Variants in FBXO44 observed in about 807,000 individuals in gnomAD.
The protein encoded by FBXO44 is F-box protein 44, also known as F-box only protein 44.
Under a neutral mutation model 33.5 loss-of-function variants are expected in FBXO44, and 25 were observed. The ratio of observed to expected loss-of-function variants is 0.75; its 90% CI spans 0.54 to 1.04. The LOEUF (loss-of-function observed/expected upper bound fraction) is 1.04, where lower values mean the gene tolerates loss of function less well. Ranked by LOEUF, FBXO44 falls within the 50% of genes least tolerant of loss-of-function variation. The pLI, the probability that FBXO44 is intolerant of heterozygous loss-of-function variation, is 0.00. For missense variants in FBXO44, 311 were observed against 344.0 expected (o/e 0.90, Z 0.76); for synonymous variants, 147 against 152.8 (o/e 0.96, Z 0.28).
At position 11,654,940 on chromosome 1, in the gene FBXO44, C is replaced by CG. The variant is rs1639664921; in HGVS notation, c.-41dup. On this transcript the variant is annotated 5_prime_UTR_variant, in exon 1 of 6. Transcript: ENST00000251547. ...GGCGGCCCAACGGATCGTGCCGCGG[C>CG]GGCCGAGCGCAGGTGACCGGCAGGA... 1.6e-5 allele frequency: 2 copies of CG among 125,650 alleles called. No individual in the cohort carries two copies. The highest frequency in any genetic ancestry group is 4.8e-4 in the South Asian group (2 of 4,148). 7.8% of individuals were successfully genotyped at this position (125,650 alleles called of 1,614,324 possible). A position where few individuals can be genotyped will look rare whatever the true frequency, so the allele number is the denominator to read the frequency against.
intron 2 of FBXO44, among the ~76,000 whole-genome samples, chr1:11,656,900 A>G (rs922210139): frequency 3.3e-5 from 5 of 152,202 alleles, no homozygotes; most frequent in Non-Finnish European, 7.3e-5. Context: ...TCTAGGCTCC[A>G]GGGTTGGGCC....
Position 11,658,250 on chromosome 1 carries a change from C to T in FBXO44, c.266-17C>T, listed in dbSNP as rs771051839. ...CTGAGGGGCTTCCCTTCAGTGTGAACTCTGCTTTTCCATCAGAGGGGTTCG... is the reference window on the plus strand; with the variant it reads ...CTGAGGGGCTTCCCTTCAGTGTGAATTCTGCTTTTCCATCAGAGGGGTTCG... On this transcript the variant is annotated splice_polypyrimidine_tract_variant and intron_variant, in intron 2 of 5. Transcript: ENST00000251547. 1 of 1,613,384 alleles carries T rather than the reference C, an allele frequency of 6.2e-7. No homozygotes were observed. The highest frequency in any genetic ancestry group is 8.5e-7 in the Non-Finnish European group (1 of 1,179,878).
intron 1 of FBXO44, 140 bp from the exon 2 acceptor site, chr1:11,655,666 C>T: frequency 1.3e-6 from 1 of 796,654 alleles, no homozygotes; most frequent in Non-Finnish European, 2.0e-6. Flanking sequence ...TGATGTGTCC[C>T]AAGCTCCTTG....
intron 2 of FBXO44, among the ~76,000 whole-genome samples, chr1:11,656,311 C>CTTTTTT (rs34347559): frequency 2.1e-5 from 2 of 93,866 alleles, no homozygotes; most frequent in Non-Finnish European, 4.0e-5. Context: ...TTACTATACT[C>CTTTTTT]TTTTTTTTTT....
chr1:11,661,037 C>T lies in FBXO44; in HGVS notation c.625-93C>T, dbSNP rs573195937. 3.0e-6 allele frequency: 4 copies of T among 1,340,384 alleles called. No individual in the cohort carries two copies. In the African/African-American group the frequency reaches 5.8e-5, roughly 20 times the overall value. 83.0% of individuals were successfully genotyped at this position (1,340,384 alleles called of 1,614,324 possible). On this transcript the variant is annotated intron_variant, in intron 5 of 5. Coordinates refer to ENST00000251547, the MANE Select transcript of FBXO44 (RefSeq NM_033182.7). The surrounding 1 kb of genome is among the most constrained non-coding windows in gnomAD (Gnocchi z 4.4). ...GGCTCAAACAACCCTCCCACCTCAG[C>T]CTCCCAAAGTACTGGGATTCCCGGT...
In FBXO44 at chr1:11,658,607, C is replaced by G. The variant is rs368147142; in HGVS notation, c.467C>G (p.Pro156Arg). The change falls in exon 4 of 6, where the codon CCG (proline) becomes CGG (arginine). Residue 156 changes from proline (P) to arginine (R), a missense_variant. Coordinates refer to ENST00000251547, the MANE Select transcript of FBXO44 (RefSeq NM_033182.7). ...YWEELMDTTR[P>R]DIEVKDWFAA... ...GAGGAGCTGATGGATACCACACGGC[C>G]GGACATCGAGGTCAAGGACTGGTGA... The G allele has an allele frequency of 3.0e-5, 48 of 1,613,376 alleles. No individual in the cohort carries two copies. Among genetic ancestry groups the G allele is most frequent in the Non-Finnish European group, 3.6e-5 (43 of 1,179,956 alleles).
At position 11,661,079 on chromosome 1, in the gene FBXO44, A is replaced by G; in HGVS notation, c.625-51A>G. The G allele has an allele frequency of 6.4e-7, 1 of 1,558,156 alleles. No homozygotes were observed. Among genetic ancestry groups the G allele is most frequent in the East Asian group, 2.3e-5 (1 of 44,070 alleles). ...ATTCCCGGTGTGAGCCGCCACACCCAGCCTGAGTCAGCTCCCTTGACCTTT... is the reference window on the plus strand; with the variant it reads ...ATTCCCGGTGTGAGCCGCCACACCCGGCCTGAGTCAGCTCCCTTGACCTTT... On this transcript the variant is annotated intron_variant, in intron 5 of 5. Coordinates refer to ENST00000251547, the MANE Select transcript of FBXO44 (RefSeq NM_033182.7). This position sits in a 1 kb window ranked among gnomAD's most constrained non-coding sequence, Gnocchi z 4.4.
rs1639946744 is a variant in FBXO44, at chr1:11,658,289, G to A, written c.288G>A (p.Leu96=). ...CAGAGGGGTTCGAGTTCTGGAGCCT[G>A]GATGTGAATGGAGGCGATGAGTGGA... ...CAEEGFEFWS[L]DVNGGDEWKV... is the part of the protein sequence containing the mutation. Residue 96 remains leucine, a synonymous_variant, in exon 3 of 6, where the codon CTG becomes CTA. Coordinates refer to ENST00000251547, the MANE Select transcript of FBXO44 (RefSeq NM_033182.7). 1.2e-6 allele frequency: 2 copies of A among 1,613,842 alleles called. No homozygotes were observed. The highest frequency in any genetic ancestry group is 4.5e-5 in the East Asian group (2 of 44,882).
At position 11,661,200 on chromosome 1, in the gene FBXO44, C is replaced by A; in HGVS notation, c.695C>A (p.Thr232Asn). ...YIWFQHGGVD[T>N]HYWAGWYGPR... Reference sequence around the variant, plus strand: ...TGGTTTCAGCACGGCGGCGTGGACACTCATTACTGGGCCGGCTGGTACGGC... The same window carrying A: ...TGGTTTCAGCACGGCGGCGTGGACAATCATTACTGGGCCGGCTGGTACGGC... The change falls in exon 6 of 6, where the codon ACT becomes AAT. Residue 232 changes from threonine to asparagine, a missense_variant. By Grantham distance (65) the Thr-to-Asn change is moderately conservative. Transcript: ENST00000251547. This position sits in a 1 kb window ranked among gnomAD's most constrained non-coding sequence, Gnocchi z 4.4. The A allele has an allele frequency of 1.2e-6, 2 of 1,614,198 alleles. No individual in the cohort carries two copies.
intron 5 of FBXO44, 148 bp downstream of exon 5, chr1:11,659,019 G>T (rs980535512): frequency 1.1e-4 from 124 of 1,086,132 alleles, no homozygotes; most frequent in Non-Finnish European, 1.6e-4. Flanking sequence ...TGTAAAATGG[G>T]TATATAGTGT....
chr1:11,662,599 C>T lies in FBXO44; in HGVS notation c.*1326C>T, dbSNP rs563187746. The T allele has an allele frequency of 1.3e-5, 2 of 152,360 alleles. No homozygotes were observed. The highest frequency in any genetic ancestry group is 1.3e-4 in the Admixed American group (2 of 15,282). 9.4% of individuals were successfully genotyped at this position (152,360 alleles called of 1,614,324 possible). The stretch of plus-strand genomic sequence containing the variant: ...ATCAGCAGTGCCACCCAGGCTCTGC[C>T]TCCTGGTGTTACTCTTTGCCAACAG... On this transcript the variant is annotated 3_prime_UTR_variant, in exon 6 of 6. Coordinates refer to ENST00000251547, the MANE Select transcript of FBXO44 (RefSeq NM_033182.7).
chr1:11,655,999 G>A lies in FBXO44; in HGVS notation c.164G>A (p.Gly55Asp). 1 of 1,614,168 alleles carries A rather than the reference G, an allele frequency of 6.2e-7. No homozygotes were observed. The highest frequency in any genetic ancestry group is 8.5e-7 in the Non-Finnish European group (1 of 1,180,042). Residue 55 changes from glycine (G) to aspartate (D), a missense_variant, in exon 2 of 6, where the codon GGC becomes GAC. Gly to Asp is a moderately conservative substitution (Grantham distance 94). Transcript: ENST00000251547. ...TGGAAACGCAAGTGCCTGCGAGAGG[G>A]CTTCATCACTGAGGACTGGGACCAG... is the stretch of plus-strand genomic sequence containing the variant. ...TLWKRKCLREGFITEDWDQPV... is the reference protein window; with the variant it reads ...TLWKRKCLREDFITEDWDQPV...
intron 4 of FBXO44, 47 bp downstream of exon 4, chr1:11,658,675 G>C (rs376877549): frequency 6.3e-7 from 1 of 1,594,516 alleles, no homozygotes; most frequent in Non-Finnish European, 8.5e-7. Flanking sequence ...CCAATCAGGC[G>C]CCCCACCCCC....
chr1:11,656,311 C>CTTTTT (rs34347559), intron 2 of FBXO44, among the ~76,000 whole-genome samples: 2 of 93,866 alleles, frequency 2.1e-5, no homozygotes, highest in Non-Finnish European at 4.0e-5. Flanking sequence ...TTACTATACT[C>CTTTTT]TTTTTTTTTT....
Position 11,658,517 on chromosome 1 carries a change from C to T in FBXO44, c.393-16C>T. 1 of 1,610,676 alleles carries T rather than the reference C, an allele frequency of 6.2e-7. No homozygotes were observed. The highest frequency in any genetic ancestry group is 8.5e-7 in the Non-Finnish European group (1 of 1,179,076). ...GTGGTGAGCCCAGCCCCTCCCACCCCTCTGCCTGCCCCCAGCACCTGCCTC... is the reference window on the plus strand; with the variant it reads ...GTGGTGAGCCCAGCCCCTCCCACCCTTCTGCCTGCCCCCAGCACCTGCCTC... On this transcript the variant is annotated splice_polypyrimidine_tract_variant and intron_variant, in intron 3 of 5. Transcript: ENST00000251547.
intron 2 of FBXO44, among the ~76,000 whole-genome samples, chr1:11,657,763 A>AT (rs1639903433): frequency 6.6e-6 from 1 of 151,744 alleles, no homozygotes; most frequent in South Asian, 2.1e-4. Context: ...AAAAAAAAAG[A>AT]TTTGTGTTTT....
intron 5 of FBXO44, among the ~76,000 whole-genome samples, chr1:11,660,523 G>A (rs935327678): frequency 2.0e-5 from 3 of 152,162 alleles, no homozygotes; most frequent in African/African-American, 7.2e-5. Context: ...GACATCCTTT[G>A]GCAGCTTGCA....
At position 11,661,086 on chromosome 1, in the gene FBXO44, G is replaced by A. The variant is rs374506963; in HGVS notation, c.625-44G>A. ...GTGTGAGCCGCCACACCCAGCCTGA[G>A]TCAGCTCCCTTGACCTTTCTCCCCC... On this transcript the variant is annotated intron_variant, in intron 5 of 5. Coordinates refer to ENST00000251547, the MANE Select transcript of FBXO44 (RefSeq NM_033182.7). This position sits in a 1 kb window ranked among gnomAD's most constrained non-coding sequence, Gnocchi z 4.4. 3.2e-6 allele frequency: 5 copies of A among 1,575,334 alleles called. No homozygotes were observed. The highest frequency in any genetic ancestry group is 2.7e-5 in the African/African-American group (2 of 74,254).
intron 5 of FBXO44, among the ~76,000 whole-genome samples, chr1:11,659,271 G>A (rs1194323669): frequency 6.6e-6 from 1 of 152,162 alleles, no homozygotes; most frequent in Non-Finnish European, 1.5e-5. Context: ...CCAGCTACTT[G>A]GGAGGCTGAG....
Sources: gnomAD v4.1 joint callset for allele counts (sites outside exome capture counted in the v4.1 genomes callset) on GRCh38, gnomAD v4.1.1 for gene constraint, Gnocchi (gnomAD v3.1) non-coding constraint, MANE v1.5 for transcripts, NCBI Gene and HGNC (gene_info 2026-07-23, HGNC 2026-07-21) for gene names.